The following FREM2 variants were observed in gnomAD, a reference collection of about 807,000 sequenced individuals.
FREM2 encodes the protein FRAS1 related extracellular matrix 2.
Under a neutral mutation model 219.9 loss-of-function variants are expected in FREM2, and 119 were observed. The observed-to-expected ratio is 0.54, with a 90% CI of 0.47 to 0.63. The LOEUF is 0.63. Ranked by LOEUF, FREM2 falls within the 30% of genes least tolerant of loss-of-function variation. The pLI is 0.00. For missense variants in FREM2, 4,030 were observed against 3,993.6 expected, an observed-to-expected ratio of 1.01 and a Z score of -0.25; for synonymous variants, 1,562 against 1,522.8, an observed-to-expected ratio of 1.03 and a Z score of -0.60.
chr13:38,840,625 A>T (rs1267420446), intron 6 of FREM2, among the ~76,000 whole-genome samples: 37 of 135,138 alleles, frequency 2.7e-4, no homozygotes, highest in African/African-American at 1.0e-3. Flanking sequence ...ATAAAACTAA[A>T]ATATATATAT....
intron 3 of FREM2, among the ~76,000 whole-genome samples, chr13:38,769,151 G>T (rs1032869974): frequency 2.3e-4 from 35 of 152,096 alleles, no homozygotes; most frequent in Non-Finnish European, 5.0e-4. Context: ...TCATGGAGGA[G>T]TTTCTTATTG....
intron 6 of FREM2, among the ~76,000 whole-genome samples, chr13:38,812,352 A>T (rs920305237): frequency 6.6e-6 from 1 of 151,880 alleles, no homozygotes; most frequent in African/African-American, 2.4e-5. Context: ...TGTTTTCTGG[A>T]TGTCTGGTTG....
intron 2 of FREM2, among the ~76,000 whole-genome samples, chr13:38,733,758 T>A (rs540705461): frequency 3.9e-5 from 6 of 152,318 alleles, no homozygotes; most frequent in African/African-American, 1.4e-4. Context: ...TCCTCTTGCC[T>A]TGGCCTCCCA....
At chr13:38,765,008 T>C (rs1417009120) in intron 3 of FREM2, among the ~76,000 whole-genome samples, 1 of 152,174 alleles carries the variant, frequency 6.6e-6, no homozygotes, top group Non-Finnish European at 1.5e-5. Context: ...CCTCCCAGGT[T>C]CACGCCATTC....
intron 16 of FREM2, among the ~76,000 whole-genome samples, chr13:38,866,687 C>A (rs1877980649): frequency 7.2e-6 from 1 of 139,816 alleles, no homozygotes; most frequent in South Asian, 2.4e-4. Context: ...AAAAAAAAAT[C>A]ACTTCATGCT....
intron 10 of FREM2, among the ~76,000 whole-genome samples, chr13:38,851,447 A>G (rs1338925434): frequency 6.6e-6 from 1 of 152,122 alleles, no homozygotes. Flanking sequence ...AATTTATGGC[A>G]CATATAGAGA....
intron 20 of FREM2, 86 bp downstream of exon 20, chr13:38,876,468 G>A (rs565539072): frequency 2.0e-5 from 21 of 1,048,768 alleles, no homozygotes; most frequent in Middle Eastern, 4.2e-4. Flanking sequence ...AAATCCACAC[G>A]TGAATGACTT....
chr13:38,858,140 TA>T, intron 13 of FREM2, 107 bp downstream of exon 13: 1 of 980,864 alleles, frequency 1.0e-6, no homozygotes, highest in Non-Finnish European at 1.6e-6. Context: ...AGTAGAAAAA[TA>T]CTACATGGTT....
intron 2 of FREM2, among the ~76,000 whole-genome samples, chr13:38,759,797 C>T (rs931882674): frequency 6.6e-6 from 1 of 152,206 alleles, no homozygotes; most frequent in South Asian, 2.1e-4. Context: ...GTTCAGTAAG[C>T]TGTAGCTTTT....
At chr13:38,793,520 G>T (rs1288880866) in intron 6 of FREM2, among the ~76,000 whole-genome samples, 1 of 152,186 alleles carries the variant, frequency 6.6e-6, no homozygotes, top group African/African-American at 2.4e-5. Flanking sequence ...AATAACAAGA[G>T]TTTGGAGAGG....
In FREM2 at chr13:38,777,664, C is replaced by T. The variant is rs150160100; in HGVS notation, c.5642-5406C>T. On this transcript the variant is annotated intron_variant, in intron 4 of 23. Transcript: ENST00000280481. Reference sequence around the variant, plus strand: ...TTTTAAGGGTAGTCTACAAATGCCACTTTTAGGAATTTTGCACTTAAAGCT... The same window carrying T: ...TTTTAAGGGTAGTCTACAAATGCCATTTTTAGGAATTTTGCACTTAAAGCT... 5.9e-3 allele frequency among the ~76,000 whole-genome samples: 904 copies of T among 152,274 alleles called. 5 individuals carry two copies. The highest frequency in any genetic ancestry group is 0.018 in the South Asian group (88 of 4,824).
chr13:38,740,094 A>AT (rs34320600), intron 2 of FREM2, among the ~76,000 whole-genome samples: 150,542 of 152,258 alleles, frequency 0.99, 74,462 homozygotes, highest in Middle Eastern at 1. Context: ...AGAACTTTTC[A>AT]TGTGTTTTAT....
At chr13:38,842,193 T>C (rs1304433771) in intron 6 of FREM2, among the ~76,000 whole-genome samples, 1 of 152,208 alleles carries the variant, frequency 6.6e-6, no homozygotes, top group Non-Finnish European at 1.5e-5. Context: ...CAAGACCAAA[T>C]GTTTCAGTGT....
At chr13:38,702,274 A>G (rs1209088567) in intron 2 of FREM2, among the ~76,000 whole-genome samples, 1 of 152,146 alleles carries the variant, frequency 6.6e-6, no homozygotes, top group Admixed American at 6.6e-5. Context: ...TTCAGAGCTC[A>G]TATTATTCTT....
intron 2 of FREM2, among the ~76,000 whole-genome samples, chr13:38,761,728 G>A (rs1000873550): frequency 6.6e-6 from 1 of 152,116 alleles, no homozygotes; most frequent in African/African-American, 2.4e-5. Context: ...ACACAGGAGG[G>A]GGATAGAGCA....
rs114229197 is a variant in FREM2, at chr13:38,848,492, T to C, written c.6201T>C (p.Asn2067=). 10 of 1,613,930 alleles carry C rather than the reference T, an allele frequency of 6.2e-6. No individual in the cohort carries two copies. The South Asian group carries it at 1.1e-4, about 18-fold the overall frequency. ...CAGACTATGTGGGCATCAGCCGTAATTTAGATTTTGCACCTGGAGTCAACA... is the reference window on the plus strand; with the variant it reads ...CAGACTATGTGGGCATCAGCCGTAACTTAGATTTTGCACCTGGAGTCAACA... The part of the protein sequence containing the change: ...AGTDYVGISR[N]LDFAPGVNMQ... The change falls in exon 8 of 24, where the codon AAT becomes AAC. Residue 2067 remains asparagine (N), a synonymous_variant. Coordinates refer to ENST00000280481, the MANE Select transcript of FREM2 (RefSeq NM_207361.6).
chr13:38,877,179 G>T lies in FREM2; in HGVS notation c.8607G>T (p.Lys2869Asn). ...CCCAAATGTACCTGCTCTCTAAGAA[G>T]AGTCTCTGGTTGTCTGATGGATCCA... ...LNTQMYLLSK[K>N]SLWLSDGSMG... The change falls in exon 21 of 24, where the codon AAG becomes AAT. Residue 2869 changes from lysine to asparagine, a missense_variant. Physicochemically the swap from Lys to Asn is moderately conservative, Grantham distance 94 (BLOSUM62 0). Transcript: ENST00000280481. 6.2e-7 allele frequency: 1 copy of T among 1,614,106 alleles called. No homozygotes were observed. Among genetic ancestry groups the T allele is most frequent in the Non-Finnish European group, 8.5e-7 (1 of 1,179,962 alleles).
rs36088006 is a variant in FREM2 at position 38,846,959 on chromosome 13, G to A, written c.6169+237G>A. Among the ~76,000 whole-genome samples the A allele has an allele frequency of 0.12, 18,775 of 152,044 alleles. 1,403 individuals are homozygous for A. The highest frequency in any genetic ancestry group is 0.21 in the Admixed American group (3,191 of 15,250). ...ACAAACGTTAAGACTCAAAGGATCT[G>A]TATACTGAGGCCTATATTTCCATGA... On this transcript the variant is annotated intron_variant, in intron 7 of 23. Coordinates refer to ENST00000280481, the MANE Select transcript of FREM2 (RefSeq NM_207361.6).
At chr13:38,850,566 T>G (rs936981681) in intron 9 of FREM2, among the ~76,000 whole-genome samples, 1 of 152,228 alleles carries the variant, frequency 6.6e-6, no homozygotes, top group African/African-American at 2.4e-5. Flanking sequence ...TTAATAATAC[T>G]AGAAACTAGT....
Sources: gnomAD v4.1 joint callset for allele counts (sites outside exome capture counted in the v4.1 genomes callset) on GRCh38, gnomAD v4.1.1 for gene constraint, MANE v1.5 for transcripts, NCBI Gene and HGNC (gene_info 2026-07-23, HGNC 2026-07-21) for gene names.